Variants in NTRK3 observed in about 807,000 individuals in gnomAD.
NTRK3 encodes the protein NT-3 growth factor receptor.
NTRK3 carries 24 observed loss-of-function variants against 91.7 expected under a neutral mutation model. That is an observed-to-expected ratio of 0.26 (90% CI 0.19 to 0.37). NTRK3 has a LOEUF of 0.37. Among genes scored for constraint, NTRK3 ranks in the 10% least tolerant of loss-of-function variants. The pLI, the probability that NTRK3 is intolerant of heterozygous loss-of-function variation, is 1.00. For synonymous variants in NTRK3, 483 were observed against 404.0 expected, an observed-to-expected ratio of 1.20 and a Z score of -2.34; for missense variants, 880 against 1,068.9, an observed-to-expected ratio of 0.82 and a Z score of 2.46.
At chr15:88,029,051 A>G (rs1436674743) in intron 14 of NTRK3, among the ~76,000 whole-genome samples, 1 of 152,142 alleles carries the variant, frequency 6.6e-6, no homozygotes, top group Non-Finnish European at 1.5e-5. Context: ...TTCTCATTCT[A>G]TCGGACCTGG....
chr15:88,036,947 AC>A (rs1422604945), intron 13 of NTRK3, among the ~76,000 whole-genome samples: 1 of 152,250 alleles, frequency 6.6e-6, no homozygotes, highest in African/African-American at 2.4e-5. Flanking sequence ...GAATCTGCTC[AC>A]ATAAAGTCCA....
At chr15:88,205,691 T>C (rs1329619766) in intron 3 of NTRK3, 1 of 152,254 alleles carries the variant, frequency 6.6e-6, no homozygotes, top group Non-Finnish European at 1.5e-5. Flanking sequence ...CACCCCGGTT[T>C]GGCCCCTACT....
exon 19 of NTRK3, chr15:87,863,102 C>T: frequency 4.3e-6 from 1 of 230,908 alleles, no homozygotes; most frequent in Non-Finnish European, 8.6e-6. Context: ...TAAAGCATGC[C>T]CTTCAAATGA....
chr15:88,044,508 G>A (rs1035669601), intron 13 of NTRK3, among the ~76,000 whole-genome samples: 12 of 151,660 alleles, frequency 7.9e-5, no homozygotes, highest in Admixed American at 5.3e-4. Flanking sequence ...TGATCTGCCC[G>A]CCTTGGCCTT....
At chr15:88,247,267 C>T (rs2052929884) in intron 3 of NTRK3, among the ~76,000 whole-genome samples, 1 of 152,196 alleles carries the variant, frequency 6.6e-6, no homozygotes, top group African/African-American at 2.4e-5. Flanking sequence ...CCGAACCCCT[C>T]AGTCCCAGAG....
At chr15:88,142,544 A>C (rs2042488176) in intron 6 of NTRK3, among the ~76,000 whole-genome samples, 1 of 152,124 alleles carries the variant, frequency 6.6e-6, no homozygotes, top group Admixed American at 6.5e-5. Flanking sequence ...CAGCATCAAC[A>C]CTTCCAGTGA....
chr15:88,173,100 A>T lies in NTRK3; in HGVS notation c.395+10318T>A, dbSNP rs190380092. Among the ~76,000 whole-genome samples the T allele has an allele frequency of 1.9e-4, 29 of 152,320 alleles. No individual in the cohort carries two copies. In the East Asian group the frequency reaches 5.0e-3, roughly 26 times the overall value. The stretch of plus-strand genomic sequence containing the variant: ...ACATTTGGAGTTCAATAAAAGCAGG[A>T]AGGATCCATTTAAAAGAGGACAATA... On this transcript the variant is annotated intron_variant, in intron 5 of 18. Transcript: ENST00000394480.
chr15:88,094,985 T>A (rs1045028001), intron 13 of NTRK3, among the ~76,000 whole-genome samples: 1 of 152,236 alleles, frequency 6.6e-6, no homozygotes, highest in African/African-American at 2.4e-5. Context: ...ACAGATCTTG[T>A]TTAGACAAGC....
intron 13 of NTRK3, among the ~76,000 whole-genome samples, chr15:88,045,955 G>T (rs2080144986): frequency 6.6e-6 from 1 of 152,172 alleles, no homozygotes; most frequent in Non-Finnish European, 1.5e-5. Flanking sequence ...CTGCAAAGAG[G>T]CTATTTCCGA....
At chr15:88,180,153 A>G (rs2046332571) in intron 5 of NTRK3, among the ~76,000 whole-genome samples, 2 of 152,138 alleles carry the variant, frequency 1.3e-5, no homozygotes. Flanking sequence ...TTTAATCTTG[A>G]CCACATCCCA....
At chr15:88,121,081 C>T (rs894841137) in intron 13 of NTRK3, among the ~76,000 whole-genome samples, 1 of 146,826 alleles carries the variant, frequency 6.8e-6, no homozygotes, top group African/African-American at 2.6e-5. Context: ...GAAAAGAGGC[C>T]AAATAATGTA....
chr15:87,933,995 G>C (rs990840064), intron 15 of NTRK3, among the ~76,000 whole-genome samples: 3 of 152,288 alleles, frequency 2.0e-5, no homozygotes, highest in South Asian at 4.1e-4. Flanking sequence ...CTTCCTGTAG[G>C]GCCCAGGAAG....
At chr15:87,916,621 G>A in intron 17 of NTRK3, 1 of 700,446 alleles carries the variant, frequency 1.4e-6, no homozygotes, top group South Asian at 1.5e-5. Context: ...ACTAAGTTTA[G>A]GAGATAACTA....
In NTRK3 at chr15:87,961,315, C is replaced by T. The variant is rs151119491; in HGVS notation, c.1586-20562G>A. On this transcript the variant is annotated intron_variant, in intron 14 of 18. Coordinates refer to ENST00000394480, the Ensembl canonical transcript of NTRK3. The stretch of plus-strand genomic sequence containing the variant: ...CTACACTTGGCATTAAGTTTAGAGA[C>T]TATCATTAAACTGTTGACTGTCATT... 2.9e-3 allele frequency among the ~76,000 whole-genome samples: 447 copies of T among 152,318 alleles called. 3 individuals are homozygous for T. The East Asian group carries it at 0.037, about 13-fold the overall frequency.
At chr15:87,971,222 A>G (rs1386051021) in intron 14 of NTRK3, among the ~76,000 whole-genome samples, 3 of 152,174 alleles carry the variant, frequency 2.0e-5, no homozygotes, top group Non-Finnish European at 2.9e-5. Flanking sequence ...GAGGAAACAG[A>G]CTCAAGTTCT....
At chr15:88,222,012 C>T (rs544096338) in intron 3 of NTRK3, among the ~76,000 whole-genome samples, 1 of 152,330 alleles carries the variant, frequency 6.6e-6, no homozygotes, top group East Asian at 1.9e-4. Flanking sequence ...ACCTGTCATA[C>T]CTCAAAGCAT....
chr15:88,140,260 G>A lies in NTRK3; in HGVS notation c.465-2699C>T, dbSNP rs370683357. On this transcript the variant is annotated intron_variant, in intron 6 of 18. Coordinates refer to ENST00000394480, the Ensembl canonical transcript of NTRK3. ...AGGAAAACTAGAGATTGAGAAGCTG[G>A]TTAAGATTGCTTATAAACACAGGGT... Among the ~76,000 whole-genome samples, 23 of 152,276 alleles carry A rather than the reference G, an allele frequency of 1.5e-4. No individual in the cohort carries two copies. The East Asian group carries it at 3.1e-3, about 20-fold the overall frequency.
At chr15:88,080,410 T>C (rs1393909606) in intron 13 of NTRK3, among the ~76,000 whole-genome samples, 6 of 152,208 alleles carry the variant, frequency 3.9e-5, no homozygotes, top group Non-Finnish European at 7.3e-5. Context: ...GAGAACAGAA[T>C]CTTGTAACTG....
At chr15:88,216,915 G>A (rs2049824151) in intron 3 of NTRK3, among the ~76,000 whole-genome samples, 1 of 152,160 alleles carries the variant, frequency 6.6e-6, no homozygotes, top group South Asian at 2.1e-4. Context: ...TATATTTGGT[G>A]GTGACCCCAA....
Sources: allele counts gnomAD v4.1 joint callset (sites outside exome capture counted in the v4.1 genomes callset), GRCh38; gene constraint gnomAD v4.1.1; transcripts MANE v1.5; gene names NCBI Gene and HGNC (gene_info 2026-07-23, HGNC 2026-07-21).